Variants in DNER observed in about 807,000 individuals in gnomAD.
The protein encoded by DNER is delta and Notch-like epidermal growth factor-related receptor.
Under a neutral mutation model 78.2 loss-of-function variants are expected in DNER, and 33 were observed. That is an observed-to-expected ratio of 0.42 (90% CI 0.32 to 0.56). The LOEUF (loss-of-function observed/expected upper bound fraction) is 0.56. Ranked by LOEUF, DNER falls within the 20% of genes least tolerant of loss-of-function variation. The pLI, the probability that DNER is intolerant of heterozygous loss-of-function variation, is 0.11. For synonymous variants in DNER, 417 were observed against 384.8 expected, an observed-to-expected ratio of 1.08 and a Z score of -0.98; for missense variants, 918 against 975.3, an observed-to-expected ratio of 0.94 and a Z score of 0.78.
intron 12 of DNER, among the ~76,000 whole-genome samples, chr2:229,358,861 AC>A (rs1692150875): frequency 6.6e-6 from 1 of 152,242 alleles, no homozygotes; most frequent in Non-Finnish European, 1.5e-5. Flanking sequence ...AACATATTTC[AC>A]AAAATGTAGA....
chr2:229,452,279 G>C (rs575919118), intron 7 of DNER, among the ~76,000 whole-genome samples: 3 of 152,202 alleles, frequency 2.0e-5, no homozygotes, highest in Admixed American at 1.3e-4. Flanking sequence ...AAATATATTA[G>C]AGCATGATTT....
At chr2:229,438,819 C>T (rs571160858) in intron 8 of DNER, among the ~76,000 whole-genome samples, 31 of 152,250 alleles carry the variant, frequency 2.0e-4, no homozygotes, top group East Asian at 7.7e-4. Context: ...GCAATCTATG[C>T]GTATAACAAA....
At chr2:229,536,480 G>A (rs1696408103) in intron 5 of DNER, among the ~76,000 whole-genome samples, 1 of 152,168 alleles carries the variant, frequency 6.6e-6, no homozygotes, top group Admixed American at 6.5e-5. Flanking sequence ...CCCTAAAGAG[G>A]GGCAATGAAG....
At chr2:229,398,099 A>G (rs1693189559) in intron 10 of DNER, among the ~76,000 whole-genome samples, 1 of 152,150 alleles carries the variant, frequency 6.6e-6, no homozygotes, top group African/African-American at 2.4e-5. Flanking sequence ...TATTAAAAAG[A>G]TTAACAAAAT....
At chr2:229,609,143 A>G (rs922605415) in intron 1 of DNER, among the ~76,000 whole-genome samples, 5 of 152,324 alleles carry the variant, frequency 3.3e-5, no homozygotes, top group Admixed American at 2.6e-4. Flanking sequence ...GAATCACGTG[A>G]ACCCAGGAGG....
intron 10 of DNER, among the ~76,000 whole-genome samples, chr2:229,398,167 A>C (rs909404297): frequency 2.0e-5 from 3 of 152,170 alleles, no homozygotes; most frequent in Non-Finnish European, 1.5e-5. Context: ...AATTAGCCAT[A>C]TCATAAATAA....
At chr2:229,387,567 G>GAAAGAAAGAA (rs1553602561) in intron 11 of DNER, among the ~76,000 whole-genome samples, 2 of 142,362 alleles carry the variant, frequency 1.4e-5, no homozygotes, top group Non-Finnish European at 3.1e-5. Flanking sequence ...AAGAAAGAAA[G>GAAAGAAAGAA]AAAAGAAAGA....
chr2:229,364,521 G>A (rs1004452394), intron 12 of DNER, among the ~76,000 whole-genome samples: 3 of 152,118 alleles, frequency 2.0e-5, no homozygotes, highest in Non-Finnish European at 2.9e-5. Flanking sequence ...AAAGGAAGGC[G>A]CTAAGATGAG....
intron 8 of DNER, among the ~76,000 whole-genome samples, chr2:229,425,750 C>T (rs145453482): frequency 9.2e-4 from 140 of 152,304 alleles, no homozygotes; most frequent in African/African-American, 2.6e-3. Context: ...GGCTTTCACA[C>T]TTCGTGCAAC....
At chr2:229,525,018 T>A (rs1559157090) in intron 5 of DNER, among the ~76,000 whole-genome samples, 2 of 152,234 alleles carry the variant, frequency 1.3e-5, no homozygotes, top group Non-Finnish European at 2.9e-5. Context: ...ATCACTCTGA[T>A]GTGTGGCTCT....
At chr2:229,672,414 G>T (rs529780988) in intron 1 of DNER, among the ~76,000 whole-genome samples, 7 of 151,872 alleles carry the variant, frequency 4.6e-5, no homozygotes, top group African/African-American at 1.7e-4. Flanking sequence ...AGGGAGGGGG[G>T]AGAGAGAGAA....
chr2:229,434,921 T>TACAC (rs1307319721), intron 8 of DNER, among the ~76,000 whole-genome samples: 128 of 61,596 alleles, frequency 2.1e-3, no homozygotes, highest in African/African-American at 5.1e-3. Context: ...TATATATATA[T>TACAC]ATATACACAC....
chr2:229,667,356 G>C (rs1699110300), intron 1 of DNER, among the ~76,000 whole-genome samples: 1 of 152,184 alleles, frequency 6.6e-6, no homozygotes, highest in South Asian at 2.1e-4. Flanking sequence ...ACTCTGCAAA[G>C]TGGCACACAG....
Position 229,554,941 on chromosome 2 carries a change from A to AGAGAGAAAAGGGAAGGG in DNER, c.848-7850_848-7849insCCCTTCCCTTTTCTCTC, listed in dbSNP as rs1559165523. Among the ~76,000 whole-genome samples the AGAGAGAAAAGGGAAGGG allele has an allele frequency of 4.3e-4, 11 of 25,574 alleles. 1 individual carries two copies. The highest frequency in any genetic ancestry group is 6.3e-4 in the Non-Finnish European group (8 of 12,666). The allele number at this position is 25,574 out of a possible 152,430, so 16.8% of individuals were successfully genotyped here. A position where few individuals can be genotyped will look rare whatever the true frequency, so the allele number is the denominator to read the frequency against. Reference sequence around the variant, plus strand: ...AGAAGAGAAGAGAAGAGAAGAGAGAAAAGGGAAGGGAAGGGAAGGGAAGGG... The same window carrying AGAGAGAAAAGGGAAGGG: ...AGAAGAGAAGAGAAGAGAAGAGAGAAGAGAGAAAAGGGAAGGGAAGGGAAGGGAAGGGAAGGGAAGGG... On this transcript the variant is annotated intron_variant, in intron 4 of 12. Transcript: ENST00000341772.
At chr2:229,372,794 T>A (rs1305167030) in intron 11 of DNER, among the ~76,000 whole-genome samples, 1 of 151,928 alleles carries the variant, frequency 6.6e-6, no homozygotes, top group African/African-American at 2.4e-5. Flanking sequence ...GTGATGGGCA[T>A]GGAGACAGAG....
At chr2:229,406,935 G>A (rs1050240702) in intron 10 of DNER, among the ~76,000 whole-genome samples, 4 of 152,120 alleles carry the variant, frequency 2.6e-5, no homozygotes, top group Non-Finnish European at 5.9e-5. Context: ...CCTTTCTCAA[G>A]TGTTCATGTA....
chr2:229,565,554 C>G (rs920478685), intron 4 of DNER, among the ~76,000 whole-genome samples: 3 of 152,094 alleles, frequency 2.0e-5, no homozygotes, highest in African/African-American at 7.2e-5. Context: ...GAAACTAATA[C>G]AAGACAGATT....
chr2:229,588,571 AT>A, intron 2 of DNER, 83 bp from the exon 3 acceptor site: 1 of 1,213,578 alleles, frequency 8.2e-7, no homozygotes, highest in Non-Finnish European at 1.2e-6. Flanking sequence ...TCCATGCTGA[AT>A]TTCCTTCATC....
rs180988465 is a variant in DNER, at chr2:229,594,993, A to T, written c.277-3105T>A. Among the ~76,000 whole-genome samples the T allele has an allele frequency of 2.8e-3, 399 of 144,428 alleles. 5 individuals carry two copies. Among genetic ancestry groups the T allele is most frequent in the African/African-American group, 9.4e-3 (371 of 39,536 alleles). The allele number at this position is 144,428 out of a possible 152,430, so 94.8% of individuals were successfully genotyped here. Reference sequence around the variant, plus strand: ...AAAAAAAAAAAAAAAAAAAAACTCTAAATCTGTCCTAGAGAGTCTACATCT... The same window carrying T: ...AAAAAAAAAAAAAAAAAAAAACTCTTAATCTGTCCTAGAGAGTCTACATCT... On this transcript the variant is annotated intron_variant, in intron 1 of 12. Transcript: ENST00000341772.
Sources: gnomAD v4.1 joint callset for allele counts (sites outside exome capture counted in the v4.1 genomes callset) on GRCh38, gnomAD v4.1.1 for gene constraint, MANE v1.5 for transcripts, NCBI Gene and HGNC (gene_info 2026-07-23, HGNC 2026-07-21) for gene names.